Variants in MYH9 observed in about 807,000 individuals in gnomAD.
The protein encoded by MYH9 is myosin heavy chain 9.
Under a neutral mutation model 241.9 loss-of-function variants are expected in MYH9, and 29 were observed. That is an observed-to-expected ratio of 0.12 (90% CI 0.09 to 0.16). The LOEUF (loss-of-function observed/expected upper bound fraction) is 0.16, where lower values mean the gene tolerates loss of function less well. Among genes scored for constraint, MYH9 ranks in the 10% least tolerant of loss-of-function variants. The pLI, the probability that MYH9 is intolerant of heterozygous loss-of-function variation, is 1.00. For synonymous variants in MYH9, 1,047 were observed against 1,062.6 expected (o/e 0.99, Z 0.29); for missense variants, 1,803 against 2,595.5 (o/e 0.69, Z 6.63).
rs574118248 is a variant in MYH9 at position 36,370,697 on chromosome 22, G to A, written c.-20+17110C>T. Among the ~76,000 whole-genome samples, 3 of 152,328 alleles carry A rather than the reference G, an allele frequency of 2.0e-5. No homozygotes were observed. In the South Asian group the frequency reaches 6.2e-4, roughly 32 times the overall value. ...GGAGGAGCCACCTCCAAGAACAATTGGCTCACAGGCACTGGGCAGAAGGCA... is the reference window on the plus strand; with the variant it reads ...GGAGGAGCCACCTCCAAGAACAATTAGCTCACAGGCACTGGGCAGAAGGCA... On this transcript the variant is annotated intron_variant, in intron 1 of 40. Transcript: ENST00000216181.
intron 1 of MYH9, among the ~76,000 whole-genome samples, chr22:36,357,596 T>G (rs1293079883): frequency 6.6e-6 from 1 of 152,120 alleles, no homozygotes; most frequent in Admixed American, 6.5e-5. Context: ...TCACACCCGG[T>G]TGAGCCCACT....
At chr22:36,342,383 A>T (rs2017603456) in intron 2 of MYH9, among the ~76,000 whole-genome samples, 1 of 152,156 alleles carries the variant, frequency 6.6e-6, no homozygotes, top group Non-Finnish European at 1.5e-5. Flanking sequence ...TTGGGTGGTT[A>T]TGAGGATTAA....
chr22:36,293,537 G>C lies in MYH9; in HGVS notation c.3943-56C>G. The C allele has an allele frequency of 1.2e-6, 2 of 1,603,324 alleles. No individual in the cohort carries two copies. The highest frequency in any genetic ancestry group is 1.1e-5 in the South Asian group (1 of 90,964). ...TTAGGAGGGTGGTGTCCAAAACCCA[G>C]GAACCCCACACCCTTGAGGAGAGGG... On this transcript the variant is annotated intron_variant, in intron 29 of 40. Transcript: ENST00000216181. This position sits in a 1 kb window ranked among gnomAD's most constrained non-coding sequence, Gnocchi z 5.1.
intron 1 of MYH9, among the ~76,000 whole-genome samples, chr22:36,384,608 AAAAATATATATATATATATATATATATAT>A (rs1475967451): frequency 1.6e-4 from 4 of 25,210 alleles, no homozygotes; most frequent in African/African-American, 4.8e-4. Flanking sequence ...AAAAAAAAAA[AAAAATATATATATATATATATATATATAT>A]ATATATATAT....
At position 36,284,180 on chromosome 22, in the gene MYH9, C is replaced by T; in HGVS notation, c.5678G>A (p.Arg1893His). ...EEEAQRANAS[R>H]RKLQRELEDA... The stretch of plus-strand genomic sequence containing the variant: ...CTCCAGCTCGCGCTGCAGTTTCCGG[C>T]GGGAGGCGTTGGCCCGCTGGGCCTC... Residue 1893 changes from arginine (R) to histidine (H), a missense_variant, in exon 40 of 41, where the codon CGC becomes CAC. Physicochemically the swap from Arg to His is conservative, Grantham distance 29. Transcript: ENST00000216181. 2 of 1,613,934 alleles carry T rather than the reference C, an allele frequency of 1.2e-6. No homozygotes were observed. The highest frequency in any genetic ancestry group is 1.1e-5 in the South Asian group (1 of 91,068).
Position 36,330,777 on chromosome 22 carries a change from A to G in MYH9, c.491-3289T>C, listed in dbSNP as rs1225763204. 6.6e-6 allele frequency among the ~76,000 whole-genome samples: 1 copy of G among 151,960 alleles called. No homozygotes were observed. Among genetic ancestry groups the G allele is most frequent in the African/African-American group, 2.4e-5 (1 of 41,370 alleles). On this transcript the variant is annotated intron_variant, in intron 3 of 40. Coordinates refer to ENST00000216181, the MANE Select transcript of MYH9 (RefSeq NM_002473.6). This position sits in a 1 kb window ranked among gnomAD's most constrained non-coding sequence, Gnocchi z 4.5. Reference sequence around the variant, plus strand: ...GTCCTTATTTGGCCTGTAAGGACTGAAGGCTTATTTGAAAACGCCCTTCCT... The same window carrying G: ...GTCCTTATTTGGCCTGTAAGGACTGGAGGCTTATTTGAAAACGCCCTTCCT...
intron 1 of MYH9, among the ~76,000 whole-genome samples, chr22:36,377,592 T>C (rs2018188873): frequency 6.6e-6 from 1 of 152,078 alleles, no homozygotes; most frequent in Non-Finnish European, 1.5e-5. Flanking sequence ...GGGACAGGCT[T>C]GTTGGATAAA....
intron 1 of MYH9, among the ~76,000 whole-genome samples, chr22:36,363,621 C>A (rs2017967989): frequency 6.6e-6 from 1 of 152,200 alleles, no homozygotes; most frequent in Non-Finnish European, 1.5e-5. Context: ...TCAATATTTG[C>A]ACAGTGACAT....
chr22:36,357,035 G>C (rs2017867123), intron 1 of MYH9, among the ~76,000 whole-genome samples: 1 of 152,248 alleles, frequency 6.6e-6, no homozygotes, highest in Non-Finnish European at 1.5e-5. Context: ...GCTTAATGCA[G>C]CATGTATTCC....
chr22:36,298,227 A>G (rs2016818414), intron 24 of MYH9, among the ~76,000 whole-genome samples: 1 of 152,100 alleles, frequency 6.6e-6, no homozygotes, highest in Admixed American at 6.5e-5. Context: ...GAGTTCCCAG[A>G]GTAGTCGGGG....
In MYH9 at chr22:36,306,339, G is replaced by T. The variant is rs1209013706; in HGVS notation, c.2037+75C>A. ...GCTGGGGGGCTGGAGGGGTGCTTTT[G>T]CTGGGGAGACAGACAAGGGCTGAGC... On this transcript the variant is annotated intron_variant, in intron 16 of 40. Transcript: ENST00000216181. This position sits in a 1 kb window ranked among gnomAD's most constrained non-coding sequence, Gnocchi z 4.1. The T allele has an allele frequency of 6.4e-7, 1 of 1,574,436 alleles. No individual in the cohort carries two copies. Among genetic ancestry groups the T allele is most frequent in the Non-Finnish European group, 8.7e-7 (1 of 1,152,856 alleles).
Position 36,302,647 on chromosome 22 carries a change from G to T in MYH9, c.2420C>A (p.Thr807Asn), listed in dbSNP as rs2016898004. The change falls in exon 20 of 41, where the codon ACC becomes AAC. Residue 807 changes from threonine (T) to asparagine (N), a missense_variant. This residue lies in a region of MYH9 where 72 missense variants were observed against 83.3 expected (regional missense o/e 0.86). Coordinates refer to ENST00000216181, the MANE Select transcript of MYH9 (RefSeq NM_002473.6). ...KAFAKRQQQLTAMKVLQRNCA... is the reference protein window; with the variant it reads ...KAFAKRQQQLNAMKVLQRNCA... ...GTTCCGCTGGAGGACCTTCATGGCGGTAAGCTGCTGCTGCCGCTTGGCAAA... is the reference window on the plus strand; with the variant it reads ...GTTCCGCTGGAGGACCTTCATGGCGTTAAGCTGCTGCTGCCGCTTGGCAAA... 4 of 1,613,404 alleles carry T rather than the reference G, an allele frequency of 2.5e-6. No individual in the cohort carries two copies. The highest frequency in any genetic ancestry group is 2.5e-6 in the Non-Finnish European group (3 of 1,179,870).
chr22:36,286,973 C>T, intron 34 of MYH9, 127 bp from the exon 35 acceptor site: 20 of 1,418,398 alleles, frequency 1.4e-5, no homozygotes, highest in Admixed American at 3.5e-5. Context: ...AACCAACTAA[C>T]CGTGGTGACA....
chr22:36,337,759 T>A (rs2017521528), intron 3 of MYH9, among the ~76,000 whole-genome samples: 1 of 152,150 alleles, frequency 6.6e-6, no homozygotes, highest in South Asian at 2.1e-4. Flanking sequence ...GCACTAAGAC[T>A]TCACTCCAAA....
intron 18 of MYH9, 83 bp from the exon 19 acceptor site, chr22:36,304,238 G>A (rs1203910966): frequency 2.7e-6 from 4 of 1,466,932 alleles, no homozygotes; most frequent in Non-Finnish European, 3.8e-6. Context: ...AGCTGGAGGT[G>A]TGCCCTTCAC....
intron 1 of MYH9, among the ~76,000 whole-genome samples, chr22:36,387,438 G>T (rs2018371661): frequency 6.6e-6 from 1 of 152,152 alleles, no homozygotes; most frequent in African/African-American, 2.4e-5. Context: ...AAGTTTGCCC[G>T]AGTCGGGCCT....
rs957448128 is a variant in MYH9, at chr22:36,322,498, C to T, written c.636G>A (p.Leu212=). The T allele has an allele frequency of 1.2e-6, 2 of 1,612,958 alleles. No homozygotes were observed. The highest frequency in any genetic ancestry group is 1.7e-5 in the Admixed American group (1 of 60,010). ...AGGCCTCCAGGATGGGGTTGGCCTG[C>T]AGCAGCTGCCGCTCCAGCTCGCCCT... is the stretch of plus-strand genomic sequence containing the variant. ...KDQGELERQL[L]QANPILEAFG... Residue 212 remains leucine (L), a synonymous_variant, in exon 6 of 41, where the codon CTG becomes CTA. Coordinates refer to ENST00000216181, the MANE Select transcript of MYH9 (RefSeq NM_002473.6).
chr22:36,282,568 A>G lies in MYH9; in HGVS notation c.*100T>C. ...GGAGGGCAGGAGGAGGCATGTTCACAGCAGTCCCAAGAAGGTGGGGAGAGG... is the reference window on the plus strand; with the variant it reads ...GGAGGGCAGGAGGAGGCATGTTCACGGCAGTCCCAAGAAGGTGGGGAGAGG... On this transcript the variant is annotated 3_prime_UTR_variant, in exon 41 of 41. Coordinates refer to ENST00000216181, the MANE Select transcript of MYH9 (RefSeq NM_002473.6). 9.1e-7 allele frequency: 1 copy of G among 1,094,468 alleles called. No individual in the cohort carries two copies. Among genetic ancestry groups the G allele is most frequent in the Non-Finnish European group, 1.4e-6 (1 of 715,380 alleles). 67.8% of individuals were successfully genotyped at this position (1,094,468 alleles called of 1,614,324 possible). A position where few individuals can be genotyped will look rare whatever the true frequency, so the allele number is the denominator to read the frequency against.
intron 1 of MYH9, among the ~76,000 whole-genome samples, chr22:36,354,057 C>A (rs193145962): frequency 6.6e-6 from 1 of 152,088 alleles, no homozygotes; most frequent in African/African-American, 2.4e-5. Context: ...TGTGCCACCA[C>A]GCCTGGCTAA....
Sources: gnomAD v4.1 joint callset for allele counts (sites outside exome capture counted in the v4.1 genomes callset) on GRCh38, gnomAD v4.1.1 for gene constraint, gnomAD v4.1.1 regional missense constraint, Gnocchi (gnomAD v3.1) non-coding constraint, MANE v1.5 for transcripts, NCBI Gene and HGNC (gene_info 2026-07-23, HGNC 2026-07-21) for gene names.